Variants in PCDHGA11 observed in about 807,000 individuals in gnomAD.
PCDHGA11 encodes the protein protocadherin gamma subfamily A, 11, also known as protocadherin gamma-A11.
PCDHGA11 carries 39 observed loss-of-function variants against 60.4 expected under a neutral mutation model. The observed-to-expected ratio is 0.65, with a 90% CI of 0.50 to 0.84. PCDHGA11 has a LOEUF of 0.84. PCDHGA11 is among the 40% of genes least tolerant of loss of function. PCDHGA11 has a pLI of 0.00. For missense variants in PCDHGA11, 1,165 were observed against 1,197.7 expected (o/e 0.97, Z 0.40); for synonymous variants, 533 against 510.3 (o/e 1.04, Z -0.60).
At position 141,431,303 on chromosome 5, in the gene PCDHGA11, G is replaced by T. The variant is rs777784010; in HGVS notation, c.2433+7643G>T. The T allele has an allele frequency of 1.2e-6, 2 of 1,614,060 alleles. No homozygotes were observed. Among genetic ancestry groups the T allele is most frequent in the Non-Finnish European group, 1.7e-6 (2 of 1,180,038 alleles). On this transcript the variant is annotated intron_variant, in intron 1 of 3. Coordinates refer to ENST00000398587, the MANE Select transcript of PCDHGA11 (RefSeq NM_018914.3). The surrounding 1 kb of genome is among the most constrained non-coding windows in gnomAD (Gnocchi z 4.8). ...CCCGAACACTCACTTCTCCCTCATC[G>T]TGCAAAATGGAGCCGACGGTAGTAA...
At chr5:141,426,726 G>A (rs916323483) in intron 1 of PCDHGA11, 2 of 448,052 alleles carry the variant, frequency 4.5e-6, no homozygotes, top group South Asian at 1.6e-5. Flanking sequence ...AGCAATTCCA[G>A]GCATTCGGTT....
chr5:141,485,275 G>T lies in PCDHGA11; in HGVS notation c.2434-9532G>T, dbSNP rs77402299. ...ACGTTTGTGGGCAGATCCGCTACCC[G>T]GTCCCAGAGGAGTCACAGGAAGGGA... is the stretch of plus-strand genomic sequence containing the variant. On this transcript the variant is annotated intron_variant, in intron 1 of 3. Coordinates refer to ENST00000398587, the MANE Select transcript of PCDHGA11 (RefSeq NM_018914.3). The surrounding 1 kb of genome is among the most constrained non-coding windows in gnomAD (Gnocchi z 5.7). 1.1e-5 allele frequency: 18 copies of T among 1,614,072 alleles called. No individual in the cohort carries two copies. The South Asian group carries it at 1.4e-4, about 13-fold the overall frequency.
Position 141,489,407 on chromosome 5 carries a change from T to C in PCDHGA11, c.2434-5400T>C. On this transcript the variant is annotated intron_variant, in intron 1 of 3. Transcript: ENST00000398587. This position sits in a 1 kb window ranked among gnomAD's most constrained non-coding sequence, Gnocchi z 4.5. ...GTTGCTCAGGATCTGGGCTTAAAGA[T>C]GACAGATCTGTTGAGCCGGCGGCTG... 6.2e-7 allele frequency: 1 copy of C among 1,614,140 alleles called. No individual in the cohort carries two copies.
intron 1 of PCDHGA11, among the ~76,000 whole-genome samples, chr5:141,452,316 T>C (rs2098738639): frequency 6.6e-6 from 1 of 152,208 alleles, no homozygotes; most frequent in Non-Finnish European, 1.5e-5. Flanking sequence ...ACTCATACTT[T>C]CCTTGTTCCA....
In PCDHGA11 at chr5:141,421,850, C is replaced by T; in HGVS notation, c.623C>T (p.Ala208Val). The T allele has an allele frequency of 6.2e-7, 1 of 1,613,752 alleles. No homozygotes were observed. The highest frequency in any genetic ancestry group is 8.5e-7 in the Non-Finnish European group (1 of 1,179,886). Reference protein sequence around the residue: ...EGSLDREKEAAHLLLLTALDG... With the variant: ...EGSLDREKEAVHLLLLTALDG... The stretch of plus-strand genomic sequence containing the variant: ...AGCCTGGACCGAGAGAAAGAGGCTG[C>T]TCACCTGCTCCTCCTCACAGCTTTA... Residue 208 changes from alanine to valine, a missense_variant, in exon 1 of 4, where the codon GCT (alanine) becomes GTT (valine). Transcript: ENST00000398587.
In PCDHGA11 at chr5:141,483,413, G is replaced by A. The variant is rs112015754; in HGVS notation, c.2434-11394G>A. 5.9e-4 allele frequency among the ~76,000 whole-genome samples: 90 copies of A among 152,300 alleles called. 1 individual carries two copies. Among genetic ancestry groups the A allele is most frequent in the African/African-American group, 1.7e-3 (69 of 41,584 alleles). ...AAATGCTTGAACCAGCACAGTGGCA[G>A]TACAGATGGAGGGAGCTGACTACAA... On this transcript the variant is annotated intron_variant, in intron 1 of 3. Transcript: ENST00000398587.
intron 1 of PCDHGA11, among the ~76,000 whole-genome samples, chr5:141,453,850 CT>C (rs1465668273): frequency 1.3e-5 from 2 of 152,148 alleles, no homozygotes; most frequent in Non-Finnish European, 2.9e-5. Context: ...CCACAGAGCA[CT>C]TTGAAAATAA....
chr5:141,429,592 T>C (rs2097226711), intron 1 of PCDHGA11, among the ~76,000 whole-genome samples: 1 of 152,234 alleles, frequency 6.6e-6, no homozygotes, highest in Non-Finnish European at 1.5e-5. Flanking sequence ...ATTCTTGTAA[T>C]TCAAGTAAAC....
chr5:141,490,092 C>T lies in PCDHGA11; in HGVS notation c.2434-4715C>T. On this transcript the variant is annotated intron_variant, in intron 1 of 3. Coordinates refer to ENST00000398587, the MANE Select transcript of PCDHGA11 (RefSeq NM_018914.3). This position sits in a 1 kb window ranked among gnomAD's most constrained non-coding sequence, Gnocchi z 5.4. ...AACTAGACTATTCTTTTGGAGACCA[C>T]ACATCTGAGGCAGTGCGGAACCTCT... 6.2e-7 allele frequency: 1 copy of T among 1,614,240 alleles called. No individual in the cohort carries two copies.
At chr5:141,430,559 G>C in intron 1 of PCDHGA11, 1 of 418,772 alleles carries the variant, frequency 2.4e-6, no homozygotes. Flanking sequence ...CACCAATCGG[G>C]GAGAGAAAAG....
At chr5:141,427,777 C>A in intron 1 of PCDHGA11, 1 of 1,432,382 alleles carries the variant, frequency 7.0e-7, no homozygotes, top group Non-Finnish European at 9.7e-7. Flanking sequence ...GAGCTGCGGG[C>A]ACTGTCGTCC....
intron 1 of PCDHGA11, chr5:141,427,790 C>A: frequency 1.3e-6 from 2 of 1,482,222 alleles, no homozygotes; most frequent in Non-Finnish European, 1.9e-6. Context: ...TGTCGTCCTA[C>A]GTGTCCGTGA....
Position 141,432,837 on chromosome 5 carries a change from T to C in PCDHGA11, c.2433+9177T>C. On this transcript the variant is annotated intron_variant, in intron 1 of 3. Transcript: ENST00000398587. This position sits in a 1 kb window ranked among gnomAD's most constrained non-coding sequence, Gnocchi z 6.0. ...GAAACCTCAGACCTCACTCTGTACC[T>C]GGTGGTAGCGGTGGCCGCGGTCTCC... The C allele has an allele frequency of 6.2e-7, 1 of 1,614,180 alleles. No individual in the cohort carries two copies. Among genetic ancestry groups the C allele is most frequent in the Non-Finnish European group, 8.5e-7 (1 of 1,180,004 alleles).
At chr5:141,459,723 T>G (rs1024452676) in intron 1 of PCDHGA11, among the ~76,000 whole-genome samples, 3 of 152,254 alleles carry the variant, frequency 2.0e-5, no homozygotes, top group African/African-American at 7.2e-5. Context: ...ATGCTTCCTA[T>G]TGTCAATTTT....
chr5:141,447,449 C>A (rs2098539583), intron 1 of PCDHGA11, among the ~76,000 whole-genome samples: 1 of 152,058 alleles, frequency 6.6e-6, no homozygotes, highest in Non-Finnish European at 1.5e-5. Flanking sequence ...AAATTTTTAA[C>A]CTCAGTTTTT....
chr5:141,437,518 T>C (rs1482415074), intron 1 of PCDHGA11, among the ~76,000 whole-genome samples: 1 of 152,210 alleles, frequency 6.6e-6, no homozygotes, highest in African/African-American at 2.4e-5. Flanking sequence ...ATAAGGCTGA[T>C]GACAAATGAG....
chr5:141,423,609 A>G lies in PCDHGA11; in HGVS notation c.2382A>G (p.Ile794Met), dbSNP rs748925693. The G allele has an allele frequency of 5.0e-6, 8 of 1,611,572 alleles. No homozygotes were observed. The South Asian group carries it at 7.7e-5, about 16-fold the overall frequency. ...GTGAGAAAAGCGAGCCACTCTTGAT[A>G]GCTGAAGACTCAGCTATCATTTTAG... ...ESCEKSEPLL[I>M]AEDSAIILGK... Residue 794 changes from isoleucine to methionine, a missense_variant, in exon 1 of 4, where the codon ATA becomes ATG. Transcript: ENST00000398587.
chr5:141,441,230 ATTTAAATCACAAGATC>A (rs1009424536), intron 1 of PCDHGA11: 1 of 152,196 alleles, frequency 6.6e-6, no homozygotes, highest in African/African-American at 2.4e-5. Context: ...ACTGTCCAGG[ATTTAAATCACAAGATC>A]TTTAAATCAC....
rs1014896576 is a variant in PCDHGA11, at chr5:141,512,427, C to T, written c.*1254C>T. 6.5e-6 allele frequency: 1 copy of T among 152,788 alleles called. No individual in the cohort carries two copies. Among genetic ancestry groups the T allele is most frequent in the African/African-American group, 2.4e-5 (1 of 41,460 alleles). The allele number at this position is 152,788 out of a possible 1,614,324, so 9.5% of individuals were successfully genotyped here. A position where few individuals can be genotyped will look rare whatever the true frequency, so the allele number is the denominator to read the frequency against. On this transcript the variant is annotated 3_prime_UTR_variant, in exon 4 of 4. Transcript: ENST00000398587. ...GGGCTTCTTCAACAGGGCCCCTGCC[C>T]TCCTGAAGCCTCAGTCCTTCACCTT...
Sources: gnomAD v4.1 joint callset for allele counts (sites outside exome capture counted in the v4.1 genomes callset) on GRCh38, gnomAD v4.1.1 for gene constraint, Gnocchi (gnomAD v3.1) non-coding constraint, MANE v1.5 for transcripts, NCBI Gene and HGNC (gene_info 2026-07-23, HGNC 2026-07-21) for gene names.